CALCR: variants seen among roughly 807,000 people sequenced by gnomAD.
The protein encoded by CALCR is calcitonin receptor.
CALCR carries 47 observed loss-of-function variants against 59.5 expected under a neutral mutation model. The observed-to-expected ratio is 0.79, with a 90% confidence interval of 0.63 to 1.01. The LOEUF is 1.01. Among genes scored for constraint, CALCR ranks in the 50% least tolerant of loss-of-function variants. The pLI, the probability that CALCR is intolerant of heterozygous loss-of-function variation, is 0.00. For missense variants in CALCR, 566 were observed against 597.1 expected, an observed-to-expected ratio of 0.95 and a Z score of 0.54; for synonymous variants, 213 against 211.3, an observed-to-expected ratio of 1.01 and a Z score of -0.07.
rs937954222 is a variant in CALCR, at chr7:93,425,851, A to T, written c.*505T>A. 1 of 152,496 alleles carries T rather than the reference A, an allele frequency of 6.6e-6. No individual in the cohort carries two copies. The highest frequency in any genetic ancestry group is 1.5e-5 in the Non-Finnish European group (1 of 68,262). 9.4% of individuals were successfully genotyped at this position (152,496 alleles called of 1,614,324 possible). A position where few individuals can be genotyped will look rare whatever the true frequency, so the allele number is the denominator to read the frequency against. On this transcript the variant is annotated 3_prime_UTR_variant, in exon 14 of 14. Transcript: ENST00000426151. ...TTGTCTTGCAGAGGTCACGTAGTTC[A>T]TGTGGTTTACATTGTAAGGATGGTA...
At chr7:93,451,204 T>C (rs1562978573) in intron 8 of CALCR, among the ~76,000 whole-genome samples, 1 of 152,030 alleles carries the variant, frequency 6.6e-6, no homozygotes, top group African/African-American at 2.4e-5. Context: ...ATTTTTAAAT[T>C]ATTTACACTG....
At chr7:93,441,434 G>A (rs925532207) in intron 9 of CALCR, 10 of 425,590 alleles carry the variant, frequency 2.3e-5, no homozygotes, top group African/African-American at 2.1e-4. Context: ...TGATTAAATT[G>A]TATCCAGTCT....
chr7:93,550,919 C>T (rs751911304), intron 2 of CALCR, among the ~76,000 whole-genome samples: 13 of 152,066 alleles, frequency 8.5e-5, no homozygotes, highest in Non-Finnish European at 1.3e-4. Flanking sequence ...TTACAAAACA[C>T]ATCTGTAATA....
chr7:93,554,725 A>C (rs1355169461), intron 2 of CALCR, among the ~76,000 whole-genome samples: 1 of 147,184 alleles, frequency 6.8e-6, no homozygotes, highest in African/African-American at 2.6e-5. Context: ...ATAAGTGCAG[A>C]ATTCTGAAAG....
At chr7:93,475,781 C>G (rs1186994568) in intron 5 of CALCR, among the ~76,000 whole-genome samples, 1 of 151,784 alleles carries the variant, frequency 6.6e-6, no homozygotes, top group Non-Finnish European at 1.5e-5. Context: ...ATGAGTCTTT[C>G]AATACTTGAA....
Position 93,460,924 on chromosome 7 carries a change from G to C in CALCR, c.545C>G (p.Thr182Ser). The C allele has an allele frequency of 6.2e-7, 1 of 1,610,194 alleles. No individual in the cohort carries two copies. Among genetic ancestry groups the C allele is most frequent in the South Asian group, 1.1e-5 (1 of 90,368 alleles). Residue 182 changes from threonine (T) to serine (S), a missense_variant, in exon 8 of 14, where the codon ACC (threonine) becomes AGC (serine). Physicochemically the swap from Thr to Ser is moderately conservative, Grantham distance 58 (BLOSUM62 1). Coordinates refer to ENST00000426151, the MANE Select transcript of CALCR (RefSeq NM_001742.4). ...AGTAAGAAACATGTTCTTGTGCAGG[G>C]TTACCCTTTGGCAGCCAAGGCTCCT... Reference protein sequence around the residue: ...FFRSLGCQRVTLHKNMFLTYI... With the variant: ...FFRSLGCQRVSLHKNMFLTYI...
chr7:93,573,328 T>C (rs1469947497), intron 2 of CALCR, among the ~76,000 whole-genome samples: 1 of 152,218 alleles, frequency 6.6e-6, no homozygotes, highest in Admixed American at 6.5e-5. Context: ...AATTTAAAGA[T>C]TAGCTTTAAG....
intron 5 of CALCR, 104 bp downstream of exon 5, chr7:93,477,454 G>A (rs570723731): frequency 7.5e-4 from 497 of 663,178 alleles, no homozygotes; most frequent in Non-Finnish European, 1.1e-3. Flanking sequence ...CTAAAATGTG[G>A]AGTATGATTA....
chr7:93,545,999 A>C (rs1441084902), intron 2 of CALCR, among the ~76,000 whole-genome samples: 1 of 151,974 alleles, frequency 6.6e-6, no homozygotes, highest in African/African-American at 2.4e-5. Context: ...AGAAAATAAC[A>C]AAAAAAATAC....
intron 2 of CALCR, among the ~76,000 whole-genome samples, chr7:93,556,805 T>C (rs1789618434): frequency 6.6e-6 from 1 of 151,988 alleles, no homozygotes; most frequent in South Asian, 2.1e-4. Flanking sequence ...CCCTATTGAT[T>C]GGCATTTAGG....
chr7:93,502,352 TCTTA>T (rs1447899937), intron 2 of CALCR, among the ~76,000 whole-genome samples: 1 of 152,178 alleles, frequency 6.6e-6, no homozygotes, highest in Non-Finnish European at 1.5e-5. Context: ...TGAAAACAGT[TCTTA>T]CTTCAAAATC....
intron 2 of CALCR, among the ~76,000 whole-genome samples, chr7:93,534,689 T>C (rs1788941288): frequency 6.6e-6 from 1 of 151,730 alleles, no homozygotes. Context: ...ACAACAAATA[T>C]TCTTCTGAAA....
At chr7:93,513,117 T>C (rs17727433) in intron 2 of CALCR, among the ~76,000 whole-genome samples, 61,020 of 151,926 alleles carry the variant, frequency 0.4, 13,178 homozygotes, top group African/African-American at 0.56. Flanking sequence ...AGCCTGGAAA[T>C]GCCACTTCCT....
At chr7:93,514,961 T>A (rs1801619508) in intron 2 of CALCR, among the ~76,000 whole-genome samples, 2 of 152,152 alleles carry the variant, frequency 1.3e-5, no homozygotes, top group South Asian at 4.1e-4. Flanking sequence ...ACTGTACCAC[T>A]CACTTAATTA....
intron 2 of CALCR, among the ~76,000 whole-genome samples, chr7:93,518,522 G>C (rs772740343): frequency 5.3e-5 from 8 of 151,768 alleles, no homozygotes; most frequent in Non-Finnish European, 8.8e-5. Context: ...TCCAGCATTG[G>C]TATTTATATG....
intron 2 of CALCR, among the ~76,000 whole-genome samples, chr7:93,498,818 G>A (rs1356455854): frequency 2.0e-5 from 3 of 151,752 alleles, no homozygotes; most frequent in Middle Eastern, 6.8e-3. Context: ...ATTATCAGAA[G>A]GGTCTTCTAT....
chr7:93,483,265 A>G (rs925847238), intron 3 of CALCR, among the ~76,000 whole-genome samples: 2 of 151,718 alleles, frequency 1.3e-5, no homozygotes, highest in African/African-American at 2.4e-5. Flanking sequence ...TATGATGTAA[A>G]TAGTTGTTAT....
chr7:93,531,052 G>T (rs559920421), intron 2 of CALCR, among the ~76,000 whole-genome samples: 3 of 152,116 alleles, frequency 2.0e-5, no homozygotes, highest in Admixed American at 6.6e-5. Flanking sequence ...ATTTGGAGGT[G>T]CCTGGGGAAA....
intron 2 of CALCR, among the ~76,000 whole-genome samples, chr7:93,531,579 T>C (rs1225021282): frequency 6.6e-6 from 1 of 152,134 alleles, no homozygotes; most frequent in East Asian, 1.9e-4. Flanking sequence ...TTTATTTTTA[T>C]ATACTCCTCA....
Sources: allele counts gnomAD v4.1 joint callset (sites outside exome capture counted in the v4.1 genomes callset), GRCh38; gene constraint gnomAD v4.1.1; transcripts MANE v1.5; gene names NCBI Gene and HGNC (gene_info 2026-07-23, HGNC 2026-07-21).